Variants in CLIP2 observed in about 807,000 individuals in gnomAD.
The protein encoded by CLIP2 is CAP-Gly domain containing linker protein 2, also known as CAP-Gly domain-containing linker protein 2.
CLIP2 carries 41 observed loss-of-function variants against 111.7 expected under a neutral mutation model. That is an observed-to-expected ratio of 0.37 (90% confidence interval 0.29 to 0.48). The LOEUF (loss-of-function observed/expected upper bound fraction) is 0.48, where lower values mean the gene tolerates loss of function less well. Among genes scored for constraint, CLIP2 ranks in the 20% least tolerant of loss-of-function variants. The pLI, the probability that CLIP2 is intolerant of heterozygous loss-of-function variation, is 0.99. For missense variants in CLIP2, 1,160 were observed against 1,422.1 expected, an observed-to-expected ratio of 0.82 and a Z score of 2.96; for synonymous variants, 660 against 644.2, an observed-to-expected ratio of 1.02 and a Z score of -0.37.
rs543387438 is a variant in CLIP2, at chr7:74,338,805, C to G, written c.479C>G (p.Ser160Cys). 7.1e-5 allele frequency: 115 copies of G among 1,611,300 alleles called. No homozygotes were observed. Among genetic ancestry groups the G allele is most frequent in the Middle Eastern group, 3.3e-4 (2 of 6,062 alleles). Residue 160 changes from serine (S) to cysteine (C), a missense_variant, in exon 3 of 17, where the codon TCC (serine) becomes TGC (cysteine). Coordinates refer to ENST00000223398, the MANE Select transcript of CLIP2 (RefSeq NM_003388.5). The surrounding 1 kb of genome is among the most constrained non-coding windows in gnomAD (Gnocchi z 4.3). The stretch of plus-strand genomic sequence containing the variant: ...GAGGGCTCGGGGAGTGATGCCCACT[C>G]CGTGGAGTCGCTGACTGCCCAGAAC... ...TAEGSGSDAH[S>C]VESLTAQNLS...
intron 8 of CLIP2, among the ~76,000 whole-genome samples, chr7:74,371,601 GAGA>G (rs1554311864): frequency 2.1e-5 from 3 of 143,792 alleles, no homozygotes; most frequent in Non-Finnish European, 4.5e-5. Flanking sequence ...AAGAGAAGGA[GAGA>G]AGGAGGGAGG....
At chr7:74,364,827 G>T (rs1264856236) in intron 8 of CLIP2, 4 of 453,718 alleles carry the variant, frequency 8.8e-6, no homozygotes, top group African/African-American at 8.0e-5. Context: ...TTCAAGACCA[G>T]CCTGGGCAAC....
intron 2 of CLIP2, among the ~76,000 whole-genome samples, chr7:74,328,269 C>A (rs1254808663): frequency 6.6e-6 from 1 of 152,146 alleles, no homozygotes; most frequent in African/African-American, 2.4e-5. Flanking sequence ...GCTGTGGAGA[C>A]CCCATTCCTT....
At chr7:74,347,507 A>T (rs1417998491) in intron 3 of CLIP2, among the ~76,000 whole-genome samples, 2 of 152,078 alleles carry the variant, frequency 1.3e-5, no homozygotes, top group African/African-American at 4.8e-5. Context: ...TGACCTCGTG[A>T]TCTGCCCGCC....
At chr7:74,329,803 A>G (rs1348624031) in intron 2 of CLIP2, among the ~76,000 whole-genome samples, 2 of 151,892 alleles carry the variant, frequency 1.3e-5, no homozygotes, top group African/African-American at 4.8e-5. Flanking sequence ...TATTTGAGAC[A>G]GAGTCTTGCT....
chr7:74,399,720 A>G (rs1281860870), intron 14 of CLIP2, among the ~76,000 whole-genome samples: 1 of 151,806 alleles, frequency 6.6e-6, no homozygotes, highest in African/African-American at 2.4e-5. Context: ...TTGTACTTTT[A>G]GTAGAAATGG....
intron 14 of CLIP2, among the ~76,000 whole-genome samples, chr7:74,398,398 A>G (rs782613388): frequency 2.4e-4 from 37 of 152,016 alleles, no homozygotes; most frequent in Non-Finnish European, 4.0e-4. Context: ...TCCCCATCCC[A>G]TCCTCCTGTG....
chr7:74,360,732 G>T (rs1487689581), intron 7 of CLIP2, among the ~76,000 whole-genome samples: 1 of 152,028 alleles, frequency 6.6e-6, no homozygotes, highest in Non-Finnish European at 1.5e-5. Context: ...TGTATTTTTT[G>T]TAGAGATGGG....
intron 14 of CLIP2, among the ~76,000 whole-genome samples, chr7:74,400,107 G>A (rs1428453646): frequency 4.8e-5 from 7 of 144,506 alleles, no homozygotes; most frequent in East Asian, 2.1e-4. Context: ...CCAAGATCGC[G>A]CCACTGCACT....
At chr7:74,325,283 A>G (rs536216597) in intron 2 of CLIP2, among the ~76,000 whole-genome samples, 1 of 152,234 alleles carries the variant, frequency 6.6e-6, no homozygotes, top group Non-Finnish European at 1.5e-5. Flanking sequence ...CAGGGCTACA[A>G]GGGAGAGGTG....
intron 1 of CLIP2, among the ~76,000 whole-genome samples, chr7:74,301,303 A>T (rs1788328696): frequency 6.6e-6 from 1 of 152,230 alleles, no homozygotes; most frequent in African/African-American, 2.4e-5. Flanking sequence ...ACATCATTGC[A>T]TGCAGTTGGC....
chr7:74,349,486 ATATATATATATATATATATATATATG>A (rs1216470676), intron 3 of CLIP2, among the ~76,000 whole-genome samples: 36 of 119,494 alleles, frequency 3.0e-4, no homozygotes, highest in Admixed American at 2.4e-3. Context: ...ATATATATAT[ATATATATATATATATATATATATATG>A]TAAATAAAAA....
intron 1 of CLIP2, among the ~76,000 whole-genome samples, chr7:74,302,705 G>A (rs1202176863): frequency 6.6e-6 from 1 of 152,166 alleles, no homozygotes; most frequent in Admixed American, 6.5e-5. Context: ...GTGTAAACCT[G>A]GTCCACACTA....
chr7:74,317,316 C>T (rs1408637626), intron 1 of CLIP2, among the ~76,000 whole-genome samples, 164 bp from the exon 2 acceptor site: 5 of 152,000 alleles, frequency 3.3e-5, no homozygotes, highest in Non-Finnish European at 4.4e-5. Context: ...AGTCTGAGAG[C>T]GGGAATCTGG....
chr7:74,325,979 C>T (rs138210296), intron 2 of CLIP2, among the ~76,000 whole-genome samples: 5 of 152,054 alleles, frequency 3.3e-5, no homozygotes, highest in Middle Eastern at 3.4e-3. Flanking sequence ...TGGCTCATGC[C>T]TGTAATCCCA....
At chr7:74,395,315 A>G (rs1554316508) in intron 13 of CLIP2, among the ~76,000 whole-genome samples, 1 of 151,876 alleles carries the variant, frequency 6.6e-6, no homozygotes, top group Non-Finnish European at 1.5e-5. Flanking sequence ...ATGCACTACC[A>G]CGCCCAGCTA....
chr7:74,335,703 T>C (rs1304081597), intron 2 of CLIP2, among the ~76,000 whole-genome samples: 2 of 131,996 alleles, frequency 1.5e-5, no homozygotes, highest in Non-Finnish European at 3.5e-5. Context: ...CTTTTTTTCT[T>C]TCTTTTTTTC....
intron 16 of CLIP2, among the ~76,000 whole-genome samples, chr7:74,403,031 C>T (rs1424890737): frequency 1.3e-5 from 2 of 150,286 alleles, no homozygotes; most frequent in Admixed American, 6.7e-5. Context: ...GCCAACATAG[C>T]GAAACCCCAT....
chr7:74,321,575 TTC>T (rs1299334954), intron 2 of CLIP2, among the ~76,000 whole-genome samples: 1 of 152,032 alleles, frequency 6.6e-6, no homozygotes, highest in Non-Finnish European at 1.5e-5. Flanking sequence ...GTTCAAGTGA[TTC>T]TCTGTCTCAG....
Sources: allele counts gnomAD v4.1 joint callset (sites outside exome capture counted in the v4.1 genomes callset), GRCh38; gene constraint gnomAD v4.1.1; non-coding constraint Gnocchi (gnomAD v3.1); transcripts MANE v1.5; gene names NCBI Gene and HGNC (gene_info 2026-07-23, HGNC 2026-07-21).